The following PDE4B variants were observed in gnomAD, a reference collection of about 807,000 sequenced individuals.
The protein encoded by PDE4B is phosphodiesterase 4B, also known as 3',5'-cyclic-AMP phosphodiesterase 4B.
Under a neutral mutation model 82.2 loss-of-function variants are expected in PDE4B, and 20 were observed. The ratio of observed to expected loss-of-function variants is 0.24; its 90% CI spans 0.17 to 0.35. PDE4B has a LOEUF of 0.35. PDE4B is among the 10% of genes least tolerant of loss of function. The pLI, the probability that PDE4B is intolerant of heterozygous loss-of-function variation, is 1.00. For missense variants in PDE4B, 655 were observed against 907.2 expected (o/e 0.72, Z 3.57); for synonymous variants, 320 against 318.9 (o/e 1.00, Z -0.04).
At chr1:66,022,035 G>A (rs895679096) in intron 3 of PDE4B, among the ~76,000 whole-genome samples, 1 of 152,142 alleles carries the variant, frequency 6.6e-6, no homozygotes, top group Non-Finnish European at 1.5e-5. Flanking sequence ...CACATCCCTT[G>A]TAAGTTGTAT....
At chr1:65,994,264 A>C (rs1476850466) in intron 3 of PDE4B, among the ~76,000 whole-genome samples, 2 of 152,190 alleles carry the variant, frequency 1.3e-5, no homozygotes, top group Non-Finnish European at 2.9e-5. Context: ...TGGCAAATTA[A>C]AGTTACGCCT....
intron 3 of PDE4B, among the ~76,000 whole-genome samples, chr1:66,054,701 G>T (rs1482432101): frequency 6.6e-6 from 1 of 152,108 alleles, no homozygotes; most frequent in South Asian, 2.1e-4. Context: ...ACTCCTGAAT[G>T]ATATCTTTCT....
At chr1:66,139,694 A>G (rs1240311781) in intron 3 of PDE4B, among the ~76,000 whole-genome samples, 1 of 149,372 alleles carries the variant, frequency 6.7e-6, no homozygotes, top group Non-Finnish European at 1.5e-5. Flanking sequence ...ACAAGGGAGC[A>G]TTACTCAGAA....
At chr1:66,234,659 C>T (rs1259272426) in intron 3 of PDE4B, among the ~76,000 whole-genome samples, 3 of 151,966 alleles carry the variant, frequency 2.0e-5, no homozygotes, top group Admixed American at 2.0e-4. Context: ...TATCTCCTCT[C>T]TCATTCTTTC....
At chr1:65,896,857 T>A (rs962311699) in intron 1 of PDE4B, among the ~76,000 whole-genome samples, 2 of 152,192 alleles carry the variant, frequency 1.3e-5, no homozygotes, top group African/African-American at 4.8e-5. Flanking sequence ...AGTTGTTATA[T>A]TCTTTTGTAA....
rs5002027 is a variant in PDE4B at position 65,965,253 on chromosome 1, C to A, written c.281+46418C>A. ...AAGAGTTAAGGCATTTCCTCCCCCC[C>A]CCATGGAAAAGGAGAACAAAGCTTT... On this transcript the variant is annotated intron_variant, in intron 3 of 16. Transcript: ENST00000341517. Among the ~76,000 whole-genome samples the A allele has an allele frequency of 1.1e-3, 160 of 152,032 alleles. 2 individuals carry two copies. Among genetic ancestry groups the A allele is most frequent in the Admixed American group, 5.6e-3 (86 of 15,254 alleles).
chr1:66,045,703 A>T (rs1654670208), intron 3 of PDE4B, among the ~76,000 whole-genome samples: 1 of 151,160 alleles, frequency 6.6e-6, no homozygotes, highest in Admixed American at 6.6e-5. Context: ...ATATATATAG[A>T]TGATTGTGAA....
intron 3 of PDE4B, among the ~76,000 whole-genome samples, chr1:66,107,523 A>AC (rs1023764842): frequency 1.2e-4 from 18 of 151,506 alleles, no homozygotes; most frequent in African/African-American, 2.7e-4. Flanking sequence ...AAACAAACAA[A>AC]AAAAAAAACC....
At chr1:66,051,615 G>A (rs1358748216) in intron 3 of PDE4B, among the ~76,000 whole-genome samples, 1 of 152,104 alleles carries the variant, frequency 6.6e-6, no homozygotes, top group Non-Finnish European at 1.5e-5. Flanking sequence ...TATATAATTA[G>A]ATGACAGTTT....
chr1:66,363,615 CA>C (rs774179313), intron 12 of PDE4B, 44 bp downstream of exon 12: 1 of 1,503,438 alleles, frequency 6.7e-7, no homozygotes, highest in South Asian at 1.2e-5. Flanking sequence ...CATCCTCCTT[CA>C]AAAATGCCAT....
intron 3 of PDE4B, among the ~76,000 whole-genome samples, chr1:65,959,509 T>C (rs755978381): frequency 3.9e-5 from 6 of 152,212 alleles, no homozygotes; most frequent in Non-Finnish European, 7.3e-5. Flanking sequence ...TTAACTCATT[T>C]GCAGATGGGA....
rs1385890701 is a variant in PDE4B, at chr1:66,342,558, A to G, written c.747+9938A>G. ...AATACTGTCTCTAATTAAAAAAAAA[A>G]AAAAAAGAAAAAAAAGAAAAAAAAT... On this transcript the variant is annotated intron_variant, in intron 8 of 16. Coordinates refer to ENST00000341517, the MANE Select transcript of PDE4B (RefSeq NM_002600.4). Among the ~76,000 whole-genome samples, 9 of 144,554 alleles carry G rather than the reference A, an allele frequency of 6.2e-5. No individual in the cohort carries two copies. In the South Asian group the frequency reaches 1.1e-3, roughly 18 times the overall value. 94.8% of individuals were successfully genotyped at this position (144,554 alleles called of 152,430 possible).
chr1:65,912,959 C>G (rs1240994528), intron 1 of PDE4B, among the ~76,000 whole-genome samples: 1 of 152,076 alleles, frequency 6.6e-6, no homozygotes, highest in Non-Finnish European at 1.5e-5. Context: ...GTGTAAAATG[C>G]ATGTTATTTT....
intron 1 of PDE4B, among the ~76,000 whole-genome samples, chr1:65,883,567 G>A (rs1646734983): frequency 6.6e-6 from 1 of 152,136 alleles, no homozygotes; most frequent in Admixed American, 6.6e-5. Context: ...CTGAGACAAT[G>A]GGGTTTTCTA....
chr1:65,885,140 G>A (rs1646758119), intron 1 of PDE4B, among the ~76,000 whole-genome samples: 1 of 152,172 alleles, frequency 6.6e-6, no homozygotes, highest in African/African-American at 2.4e-5. Flanking sequence ...TCAGAGAAAT[G>A]CAAATCAAAA....
intron 1 of PDE4B, among the ~76,000 whole-genome samples, chr1:65,811,361 G>T (rs1234764826): frequency 3.9e-5 from 6 of 152,212 alleles, no homozygotes; most frequent in Admixed American, 3.9e-4. Context: ...CATCCTCAAG[G>T]CTTGGCTATG....
chr1:65,907,853 T>C (rs1157266590), intron 1 of PDE4B, among the ~76,000 whole-genome samples: 1 of 152,192 alleles, frequency 6.6e-6, no homozygotes, highest in Non-Finnish European at 1.5e-5. Context: ...ACTTTTCCTG[T>C]TAAGCTAGAA....
At chr1:66,047,574 T>C (rs1289052527) in intron 3 of PDE4B, among the ~76,000 whole-genome samples, 4 of 151,920 alleles carry the variant, frequency 2.6e-5, no homozygotes, top group African/African-American at 9.7e-5. Flanking sequence ...TAATTTGTTA[T>C]GCCCAGTAAG....
chr1:65,982,775 G>A (rs570652181), intron 3 of PDE4B, among the ~76,000 whole-genome samples: 41 of 152,316 alleles, frequency 2.7e-4, no homozygotes, highest in Admixed American at 2.5e-3. Flanking sequence ...CAGGAAATGG[G>A]TTGATTGAAC....
Sources: gnomAD v4.1 joint callset for allele counts (sites outside exome capture counted in the v4.1 genomes callset) on GRCh38, gnomAD v4.1.1 for gene constraint, MANE v1.5 for transcripts, NCBI Gene and HGNC (gene_info 2026-07-23, HGNC 2026-07-21) for gene names.